JAZF1: variants seen among roughly 807,000 people sequenced by gnomAD.
The protein encoded by JAZF1 is juxtaposed with another zinc finger protein 1.
JAZF1 carries 8 observed loss-of-function variants against 26.4 expected under a neutral mutation model. The ratio of observed to expected loss-of-function variants is 0.30; its 90% CI spans 0.18 to 0.55. The LOEUF (loss-of-function observed/expected upper bound fraction) is 0.55, where lower values mean the gene tolerates loss of function less well. Ranked by LOEUF, JAZF1 falls within the 20% of genes least tolerant of loss-of-function variation. The probability of loss-of-function intolerance (pLI) is 0.94; values close to 1 mark genes in which losing one functional copy is unlikely to be tolerated. For missense variants in JAZF1, 199 were observed against 322.0 expected, an observed-to-expected ratio of 0.62 and a Z score of 2.92; for synonymous variants, 126 against 122.3, an observed-to-expected ratio of 1.03 and a Z score of -0.20.
intron 1 of JAZF1, among the ~76,000 whole-genome samples, chr7:28,100,866 T>C (rs1291703486): frequency 6.6e-6 from 1 of 151,362 alleles, no homozygotes; most frequent in Non-Finnish European, 1.5e-5. Flanking sequence ...GTTTGAGGCA[T>C]CTGTGCATCT....
intron 2 of JAZF1, among the ~76,000 whole-genome samples, chr7:27,943,690 T>C (rs945603691): frequency 1.3e-5 from 2 of 152,232 alleles, no homozygotes; most frequent in Non-Finnish European, 2.9e-5. Flanking sequence ...CTCCCTCTCA[T>C]GAGCATTCGC....
At chr7:27,957,020 A>C (rs574989167) in intron 2 of JAZF1, among the ~76,000 whole-genome samples, 1 of 152,332 alleles carries the variant, frequency 6.6e-6, no homozygotes, top group East Asian at 1.9e-4. Context: ...TTTGTCAATG[A>C]AAAGTTCGTG....
chr7:28,032,897 T>C (rs1291710506), intron 1 of JAZF1, among the ~76,000 whole-genome samples: 1 of 152,104 alleles, frequency 6.6e-6, no homozygotes, highest in Non-Finnish European at 1.5e-5. Context: ...TTATACCTCT[T>C]GGTCCTCCCA....
At chr7:27,925,885 T>C (rs1784595566) in intron 2 of JAZF1, among the ~76,000 whole-genome samples, 2 of 152,256 alleles carry the variant, frequency 1.3e-5, no homozygotes, top group South Asian at 2.1e-4. Flanking sequence ...GGGAAGCCAC[T>C]TGAATGATAC....
chr7:28,148,301 C>T (rs1212553529), intron 1 of JAZF1, among the ~76,000 whole-genome samples: 1 of 152,148 alleles, frequency 6.6e-6, no homozygotes, highest in Non-Finnish European at 1.5e-5. Flanking sequence ...CATCTCCTGA[C>T]CTCAGGTGAT....
chr7:27,991,988 T>C lies in JAZF1; in HGVS notation c.116-7A>G, dbSNP rs763851810. On this transcript the variant is annotated splice_polypyrimidine_tract_variant and splice_region_variant and intron_variant, in intron 1 of 4. Coordinates refer to ENST00000283928, the MANE Select transcript of JAZF1 (RefSeq NM_175061.4). ...AAAACCCGTGGATCTGTATCTGTAA[T>C]AAAAACACAATTACGATTTTTTTTA... 2 of 1,567,352 alleles carry C rather than the reference T, an allele frequency of 1.3e-6. No individual in the cohort carries two copies. Among genetic ancestry groups the C allele is most frequent in the East Asian group, 2.2e-5 (1 of 44,568 alleles).
chr7:28,038,444 G>T (rs1306264582), intron 1 of JAZF1, among the ~76,000 whole-genome samples: 1 of 152,092 alleles, frequency 6.6e-6, no homozygotes. Context: ...CTAAAGAAAG[G>T]AAGACAAGAT....
chr7:27,934,166 T>C (rs1249399771), intron 2 of JAZF1, among the ~76,000 whole-genome samples: 1 of 152,184 alleles, frequency 6.6e-6, no homozygotes, highest in South Asian at 2.1e-4. Context: ...GGGTGCACAT[T>C]CAAAATAACC....
intron 3 of JAZF1, among the ~76,000 whole-genome samples, chr7:27,852,603 T>C (rs1259143120): frequency 6.6e-6 from 1 of 152,164 alleles, no homozygotes; most frequent in Non-Finnish European, 1.5e-5. Flanking sequence ...TGGCCAGTCT[T>C]TCCTACTCTT....
At chr7:27,951,617 T>C (rs1291886396) in intron 2 of JAZF1, among the ~76,000 whole-genome samples, 2 of 152,238 alleles carry the variant, frequency 1.3e-5, no homozygotes, top group Non-Finnish European at 2.9e-5. Context: ...TGAATCCTTT[T>C]ACAAGTTAAT....
chr7:27,831,536 T>C lies in JAZF1; in HGVS notation c.*1264A>G, dbSNP rs891803529. ...ATGGTCCAGATGTAGATTACTCTAA[T>C]AGGTCGTATTAGTCATGCTTTTCTT... On this transcript the variant is annotated 3_prime_UTR_variant, in exon 5 of 5. Transcript: ENST00000283928. 2 of 227,958 alleles carry C rather than the reference T, an allele frequency of 8.8e-6. No homozygotes were observed. Among genetic ancestry groups the C allele is most frequent in the African/African-American group, 4.4e-5 (2 of 44,992 alleles). The allele number at this position is 227,958 out of a possible 1,614,324, so 14.1% of individuals were successfully genotyped here.
At chr7:28,125,146 C>CAT (rs1554290132) in intron 1 of JAZF1, among the ~76,000 whole-genome samples, 1 of 136,158 alleles carries the variant, frequency 7.3e-6, no homozygotes, top group Non-Finnish European at 1.6e-5. Context: ...GGGAAGATTG[C>CAT]TTTTTTTTTT....
At chr7:27,874,115 C>T (rs1020314278) in intron 3 of JAZF1, among the ~76,000 whole-genome samples, 21 of 152,170 alleles carry the variant, frequency 1.4e-4, no homozygotes, top group Non-Finnish European at 2.9e-4. Flanking sequence ...TCCAGCTGGG[C>T]GCAGGGCCTT....
intron 2 of JAZF1, among the ~76,000 whole-genome samples, chr7:27,985,117 G>A (rs1367419794): frequency 6.6e-6 from 1 of 152,158 alleles, no homozygotes; most frequent in Non-Finnish European, 1.5e-5. Flanking sequence ...CAGAACTGAA[G>A]AAGATAGAGA....
intron 1 of JAZF1, among the ~76,000 whole-genome samples, chr7:28,036,593 G>A (rs999469152): frequency 6.6e-6 from 1 of 152,202 alleles, no homozygotes; most frequent in African/African-American, 2.4e-5. Context: ...CATCTCTGGA[G>A]GACATTTGGG....
At chr7:28,000,195 G>C (rs189179323) in intron 1 of JAZF1, among the ~76,000 whole-genome samples, 3 of 152,232 alleles carry the variant, frequency 2.0e-5, no homozygotes, top group African/African-American at 7.2e-5. Context: ...TACTTCAGAA[G>C]AGTGGTTCTG....
chr7:27,898,274 C>T (rs1784103907), intron 2 of JAZF1, among the ~76,000 whole-genome samples: 1 of 115,584 alleles, frequency 8.7e-6, no homozygotes, highest in Non-Finnish European at 1.7e-5. Flanking sequence ...AAAGGCTTCT[C>T]TACGTCTAAC....
chr7:27,883,560 G>A (rs1482645025), intron 3 of JAZF1, among the ~76,000 whole-genome samples: 2 of 152,216 alleles, frequency 1.3e-5, no homozygotes, highest in Admixed American at 6.5e-5. Context: ...GGATTTAAGT[G>A]CCTGCCCGTC....
At chr7:28,010,107 A>G (rs1432887761) in intron 1 of JAZF1, among the ~76,000 whole-genome samples, 1 of 152,138 alleles carries the variant, frequency 6.6e-6, no homozygotes, top group Non-Finnish European at 1.5e-5. Flanking sequence ...TCTACACTCT[A>G]TACCTTTGGT....
Sources: gnomAD v4.1 joint callset for allele counts (sites outside exome capture counted in the v4.1 genomes callset) on GRCh38, gnomAD v4.1.1 for gene constraint, MANE v1.5 for transcripts, NCBI Gene and HGNC (gene_info 2026-07-23, HGNC 2026-07-21) for gene names.